The following GDNF variants were observed in gnomAD, a reference collection of about 807,000 sequenced individuals.
The protein encoded by GDNF is glial cell derived neurotrophic factor, also known as glial cell line-derived neurotrophic factor.
A neutral mutation model predicts 13.7 loss-of-function variants in GDNF; 5 were observed. The observed-to-expected ratio is 0.36, with a 90% confidence interval of 0.19 to 0.77. The LOEUF (loss-of-function observed/expected upper bound fraction) is 0.77, where lower values mean the gene tolerates loss of function less well. GDNF is among the 30% of genes least tolerant of loss of function. The pLI is 0.51. For missense variants in GDNF, 246 were observed against 274.3 expected, an observed-to-expected ratio of 0.90 and a Z score of 0.73; for synonymous variants, 122 against 112.5, an observed-to-expected ratio of 1.08 and a Z score of -0.53.
At chr5:37,834,901 C>T in intron 1 of GDNF, 79 bp from the exon 2 acceptor site, 1 of 1,292,928 alleles carries the variant, frequency 7.7e-7, no homozygotes, top group East Asian at 2.5e-5. Flanking sequence ...TCCCTGCGCC[C>T]CTCTCCAACC....
At chr5:37,817,024 G>A (rs113861617) in intron 2 of GDNF, among the ~76,000 whole-genome samples, 12 of 152,280 alleles carry the variant, frequency 7.9e-5, no homozygotes, top group African/African-American at 2.2e-4. Context: ...GATGCTGTTC[G>A]TGCATAGAAG....
At chr5:37,827,344 A>G (rs974386026) in intron 2 of GDNF, among the ~76,000 whole-genome samples, 2 of 152,228 alleles carry the variant, frequency 1.3e-5, no homozygotes, top group African/African-American at 4.8e-5. Flanking sequence ...GCTATATAAG[A>G]CATTGTCCTT....
chr5:37,836,429 C>G (rs1445662099), intron 1 of GDNF, among the ~76,000 whole-genome samples: 1 of 152,120 alleles, frequency 6.6e-6, no homozygotes, highest in Non-Finnish European at 1.5e-5. Context: ...ATCTCCTGAG[C>G]GTCTGTTTGT....
intron 2 of GDNF, among the ~76,000 whole-genome samples, 200 bp downstream of exon 2, chr5:37,834,446 C>A (rs560849366): frequency 7.6e-4 from 115 of 152,286 alleles, no homozygotes; most frequent in African/African-American, 2.6e-3. Flanking sequence ...CAAACCAGCG[C>A]GTGTCACTTT....
intron 1 of GDNF, chr5:37,835,399 C>G: frequency 7.2e-7 from 1 of 1,393,004 alleles, no homozygotes; most frequent in Non-Finnish European, 9.3e-7. Context: ...ACTCACCCAG[C>G]CTGCCGCCCA....
intron 2 of GDNF, among the ~76,000 whole-genome samples, chr5:37,821,388 C>A (rs564595725): frequency 1.2e-4 from 18 of 152,256 alleles, no homozygotes; most frequent in African/African-American, 3.8e-4. Context: ...AAATGACCCT[C>A]ATTTATTAAC....
At chr5:37,830,340 T>C (rs1381042468) in intron 2 of GDNF, among the ~76,000 whole-genome samples, 5 of 152,090 alleles carry the variant, frequency 3.3e-5, no homozygotes, top group Non-Finnish European at 5.9e-5. Flanking sequence ...CTCCCTAACA[T>C]AACCATAGGA....
chr5:37,827,124 G>A (rs947987802), intron 2 of GDNF, among the ~76,000 whole-genome samples: 2 of 151,518 alleles, frequency 1.3e-5, no homozygotes, highest in South Asian at 2.1e-4. Flanking sequence ...AATGTCATGC[G>A]GGAAAAAAAG....
At chr5:37,824,192 T>A in intron 2 of GDNF, 1 of 219,718 alleles carries the variant, frequency 4.6e-6, no homozygotes, top group Non-Finnish European at 7.7e-6. Context: ...TTTCCATCTG[T>A]AAAAATAGAG....
intron 1 of GDNF, chr5:37,835,961 G>C: frequency 2.2e-6 from 1 of 457,478 alleles, no homozygotes; most frequent in South Asian, 3.0e-5. Flanking sequence ...CGCAGCTGGG[G>C]GTGGGTTAGA....
chr5:37,821,243 C>A (rs930902880), intron 2 of GDNF, among the ~76,000 whole-genome samples: 2 of 152,136 alleles, frequency 1.3e-5, no homozygotes, highest in African/African-American at 4.8e-5. Flanking sequence ...CCCACAGCTG[C>A]CTCCATTTTC....
intron 2 of GDNF, among the ~76,000 whole-genome samples, chr5:37,831,222 A>G (rs1750512918): frequency 1.3e-5 from 2 of 152,148 alleles, no homozygotes; most frequent in African/African-American, 4.8e-5. Flanking sequence ...AGCCCACCTT[A>G]CTGGACTGAG....
intron 2 of GDNF, among the ~76,000 whole-genome samples, chr5:37,816,954 C>T (rs1462831229): frequency 1.3e-5 from 2 of 152,180 alleles, no homozygotes; most frequent in East Asian, 3.8e-4. Context: ...ATGACTTTAA[C>T]AAAAAAGTCC....
At chr5:37,822,599 G>A (rs1027453644) in intron 2 of GDNF, among the ~76,000 whole-genome samples, 2 of 152,180 alleles carry the variant, frequency 1.3e-5, no homozygotes, top group African/African-American at 2.4e-5. Context: ...TCAGACAGGA[G>A]GAAAATGGAA....
rs142491135 is a variant in GDNF, at chr5:37,817,561, T to C, written c.152-1426A>G. Among the ~76,000 whole-genome samples, 576 of 152,144 alleles carry C rather than the reference T, an allele frequency of 3.8e-3. 5 individuals are homozygous for C. Among genetic ancestry groups the C allele is most frequent in the African/African-American group, 0.013 (519 of 41,488 alleles). On this transcript the variant is annotated intron_variant, in intron 2 of 2. Transcript: ENST00000326524. ...TAAAATATATCAGGTATCCCTCCTA[T>C]AGAACAAAATCTAGCAAAAGCAACT...
At chr5:37,825,924 C>T (rs879449244) in intron 2 of GDNF, among the ~76,000 whole-genome samples, 4 of 152,212 alleles carry the variant, frequency 2.6e-5, no homozygotes, top group Admixed American at 1.3e-4. Flanking sequence ...AGTGAATTTA[C>T]GGGAATCTCA....
chr5:37,826,206 C>T (rs1339145408), intron 2 of GDNF, among the ~76,000 whole-genome samples: 3 of 152,218 alleles, frequency 2.0e-5, no homozygotes, highest in African/African-American at 4.8e-5. Context: ...CCTTTACCTT[C>T]AGGTCAAAAT....
At position 37,834,705 on chromosome 5, in the gene GDNF, G is replaced by T; in HGVS notation, c.92C>A (p.Ala31Glu). The T allele has an allele frequency of 6.2e-7, 1 of 1,610,216 alleles. No individual in the cohort carries two copies. ...PLPAGKRPPE[A>E]PAEDRSLGRR... Reference sequence around the variant, plus strand: ...GCCGAGGGAGCGGTCTTCGGCGGGCGCCTCGGGAGGCCTCTTACCGGCGGG... The same window carrying T: ...GCCGAGGGAGCGGTCTTCGGCGGGCTCCTCGGGAGGCCTCTTACCGGCGGG... Residue 31 changes from alanine (A) to glutamate (E), a missense_variant, in exon 2 of 3, where the codon GCG (alanine) becomes GAG (glutamate). By Grantham distance (107) the Ala-to-Glu change is moderately radical (BLOSUM62 -1). Coordinates refer to ENST00000326524, the MANE Select transcript of GDNF (RefSeq NM_000514.4).
chr5:37,821,740 A>G (rs2111659730), intron 2 of GDNF, among the ~76,000 whole-genome samples: 1 of 152,296 alleles, frequency 6.6e-6, no homozygotes, highest in East Asian at 1.9e-4. Flanking sequence ...TATGGGGAAA[A>G]AAAATAGTAA....
Sources: gnomAD v4.1 joint callset for allele counts (sites outside exome capture counted in the v4.1 genomes callset) on GRCh38, gnomAD v4.1.1 for gene constraint, MANE v1.5 for transcripts, NCBI Gene and HGNC (gene_info 2026-07-23, HGNC 2026-07-21) for gene names.